The following AMELX variants were observed in gnomAD, a reference collection of about 807,000 sequenced individuals.
The protein encoded by AMELX is amelogenin X-linked, also known as amelogenin, X isoform.
A neutral mutation model predicts 15.8 loss-of-function variants in AMELX; 9 were observed. The ratio of observed to expected loss-of-function variants is 0.57; its 90% CI spans 0.34 to 0.99. AMELX has a LOEUF of 0.99. AMELX is among the 50% of genes least tolerant of loss of function. The probability of loss-of-function intolerance (pLI) is 0.02; values close to 1 mark genes in which losing one functional copy is unlikely to be tolerated. For synonymous variants in AMELX, 61 were observed against 58.8 expected (o/e 1.04, Z -0.17); for missense variants, 107 against 156.2 (o/e 0.68, Z 1.68).
intron 1 of AMELX, 143 bp from the exon 2 acceptor site, chrX:11,294,634 T>C: frequency 3.1e-6 from 2 of 646,322 alleles, no homozygotes; most frequent in Non-Finnish European, 5.1e-6. Context: ...GGAAATCACA[T>C]ATGACTGAAG....
chrX:11,296,871 A>G, intron 3 of AMELX, 45 bp downstream of exon 3: 2 of 1,170,767 alleles, frequency 1.7e-6, no homozygotes, highest in African/African-American at 1.8e-5. Flanking sequence ...TGCGTTAACA[A>G]TGCCCTGGGC....
At chrX:11,302,825 T>A (rs1205969734), downstream of AMELX, among the ~76,000 whole-genome samples, 2 of 110,289 alleles carry the variant, frequency 1.8e-5, no homozygotes, top group Non-Finnish European at 3.8e-5. Flanking sequence ...AAAAATCATA[T>A]CAAGAAAAAA....
intron 3 of AMELX, 35 bp downstream of exon 3, chrX:11,296,861 T>C (rs1603035101): frequency 1.7e-6 from 2 of 1,183,516 alleles, no homozygotes; most frequent in Non-Finnish European, 2.3e-6. Flanking sequence ...GACCATTGTT[T>C]GCGTTAACAA....
intron 3 of AMELX, among the ~76,000 whole-genome samples, chrX:11,297,278 T>G (rs779776463): frequency 8.9e-6 from 1 of 112,055 alleles, no homozygotes; most frequent in South Asian, 3.7e-4. Context: ...CTAAGTGGTA[T>G]AGGAGAGACT....
the AMELX span, among the ~76,000 whole-genome samples, chrX:11,306,097 T>A: frequency 2.7e-5 from 3 of 111,755 alleles, no homozygotes; most frequent in African/African-American, 9.8e-5. Flanking sequence ...TCTAGAAATC[T>A]TCTCTCACTG....
At chrX:11,293,543 TATAAATGTATTCTACATTTCTA>T (rs1569289072) in intron 1 of AMELX, 75 bp downstream of exon 1, 1 of 112,157 alleles carries the variant, frequency 8.9e-6, no homozygotes, top group Non-Finnish European at 1.9e-5. Flanking sequence ...TTTTAAAAGA[TATAAATGTATTCTACATTTCTA>T]ATACTATATG....
At chrX:11,299,102 T>C in intron 5 of AMELX, 129 bp downstream of exon 5, 1 of 868,592 alleles carries the variant, frequency 1.2e-6, no homozygotes. Flanking sequence ...TATGATTCTA[T>C]TAGTCCAAGC....
chrX:11,309,556 A>T, the AMELX span, among the ~76,000 whole-genome samples: 1 of 111,396 alleles, frequency 9.0e-6, no homozygotes, highest in African/African-American at 3.3e-5. Context: ...CACTAGGAAG[A>T]AAAGTGTAAA....
At chrX:11,296,144 C>T (rs887629880) in intron 2 of AMELX, among the ~76,000 whole-genome samples, 2 of 112,632 alleles carry the variant, frequency 1.8e-5, no homozygotes, top group Non-Finnish European at 3.7e-5. Flanking sequence ...TTCCACTTTG[C>T]TCCACCCATC....
At chrX:11,296,968 T>C in intron 3 of AMELX, 142 bp downstream of exon 3, 1 of 886,943 alleles carries the variant, frequency 1.1e-6, no homozygotes, top group South Asian at 2.2e-5. Flanking sequence ...GCTTCCCAGT[T>C]TAAGCTCTGA....
Position 11,298,706 on chromosome X carries a change from GC to G in AMELX, c.306del (p.Val103PhefsTer7). 8.3e-7 allele frequency: 1 copy of G among 1,210,516 alleles called. No homozygotes were observed. Among genetic ancestry groups the G allele is most frequent in the Non-Finnish European group, 1.1e-6 (1 of 895,228 alleles). On this transcript the variant is annotated frameshift_variant, in exon 5 of 6. Coordinates refer to ENST00000380714, the MANE Select transcript of AMELX (RefSeq NM_001142.2). LOFTEE classifies it high-confidence loss of function. ...CCGTGATCCCCCAGCAACCAATGAT[GC>G]CCGTTCCTGGCCAACACTCCATGAC... ...QPVIPQQPMM[P>X]VPGQHSMTPI...
intron 1 of AMELX, 74 bp downstream of exon 1, chrX:11,293,542 A>T (rs752021259): frequency 2.7e-5 from 3 of 111,987 alleles, no homozygotes; most frequent in Non-Finnish European, 3.8e-5. Context: ...CTTTTAAAAG[A>T]TATAAATGTA....
chrX:11,304,089 C>T (rs763628888), downstream of AMELX, among the ~76,000 whole-genome samples: 3 of 109,909 alleles, frequency 2.7e-5, no homozygotes, highest in African/African-American at 3.3e-5. Flanking sequence ...AAGTACATCA[C>T]GTTTGTCTTT....
chrX:11,309,392 C>T, the AMELX span, among the ~76,000 whole-genome samples: 4 of 109,029 alleles, frequency 3.7e-5, no homozygotes, highest in Non-Finnish European at 7.6e-5. Context: ...CTAGAGGAGC[C>T]GGCCAGGCAG....
downstream of AMELX, among the ~76,000 whole-genome samples, chrX:11,305,420 T>A (rs1464952189): frequency 8.9e-6 from 1 of 111,953 alleles, no homozygotes; most frequent in Non-Finnish European, 1.9e-5. Context: ...CCGACAGAAG[T>A]TAGAATAGTT....
chrX:11,296,891 A>G lies in AMELX; in HGVS notation c.102+65A>G, dbSNP rs1569290575. On this transcript the variant is annotated intron_variant, in intron 3 of 5. Coordinates refer to ENST00000380714, the MANE Select transcript of AMELX (RefSeq NM_001142.2). ...TAACAATGCCCTGGGCTCTGTAAAG[A>G]ATAGTGTGTTGATTCTTTATCCCAG... 7.0e-6 allele frequency: 8 copies of G among 1,135,417 alleles called. No individual in the cohort carries two copies. In the East Asian group the frequency reaches 2.1e-4, roughly 30 times the overall value. 93.6% of individuals were successfully genotyped at this position (1,135,417 alleles called of 1,213,427 possible). A position where few individuals can be genotyped will look rare whatever the true frequency, so the allele number is the denominator to read the frequency against.
intron 2 of AMELX, among the ~76,000 whole-genome samples, chrX:11,295,537 T>C (rs5933871): frequency 0.33 from 35,974 of 110,548 alleles, 5,216 homozygotes; most frequent in African/African-American, 0.56. Flanking sequence ...ATCACATGCA[T>C]GCCAAGCAGG....
At chrX:11,302,684 T>A (rs2048187359), downstream of AMELX, among the ~76,000 whole-genome samples, 1 of 111,180 alleles carries the variant, frequency 9.0e-6, no homozygotes, top group Admixed American at 9.5e-5. Context: ...AAGACACATG[T>A]GGAGACATGT....
At position 11,300,598 on chromosome X, in the gene AMELX, T is replaced by C; in HGVS notation, c.571-9T>C. 8.4e-7 allele frequency: 1 copy of C among 1,194,318 alleles called. No homozygotes were observed. Among genetic ancestry groups the C allele is most frequent in the Non-Finnish European group, 1.1e-6 (1 of 880,817 alleles). On this transcript the variant is annotated splice_polypyrimidine_tract_variant and intron_variant, in intron 5 of 5. Coordinates refer to ENST00000380714, the MANE Select transcript of AMELX (RefSeq NM_001142.2). ...ATTATTTTAACTGTTCTTTTGCAAT[T>C]TTTTTCAGGATTAAAAGATCAGAAG...
Sources: allele counts gnomAD v4.1 joint callset (sites outside exome capture counted in the v4.1 genomes callset), GRCh38; gene constraint gnomAD v4.1.1; transcripts MANE v1.5; gene names NCBI Gene and HGNC (gene_info 2026-07-23, HGNC 2026-07-21).